RBFOX1: variants seen among roughly 807,000 people sequenced by gnomAD.
The protein encoded by RBFOX1 is RNA binding fox-1 homolog 1.
Under a neutral mutation model 57.7 loss-of-function variants are expected in RBFOX1, and 8 were observed. The ratio of observed to expected loss-of-function variants is 0.14; its 90% CI spans 0.08 to 0.25. The LOEUF (loss-of-function observed/expected upper bound fraction) is 0.25, where lower values mean the gene tolerates loss of function less well. Ranked by LOEUF, RBFOX1 falls within the 10% of genes least tolerant of loss-of-function variation. RBFOX1 has a pLI of 1.00. For synonymous variants in RBFOX1, 326 were observed against 222.4 expected (o/e 1.47, Z -4.15); for missense variants, 611 against 548.5 (o/e 1.11, Z -1.14).
At chr16:5,857,797 T>G (rs905035403) in intron 3 of RBFOX1, among the ~76,000 whole-genome samples, 3 of 151,684 alleles carry the variant, frequency 2.0e-5, no homozygotes, top group African/African-American at 7.3e-5. Context: ...TGCACAAAAC[T>G]TAGCCAGGCA....
intron 4 of RBFOX1, among the ~76,000 whole-genome samples, chr16:7,180,269 C>A (rs977113729): frequency 2.0e-5 from 3 of 151,972 alleles, no homozygotes; most frequent in Admixed American, 1.3e-4. Flanking sequence ...CTCTTTATGT[C>A]CTTATGTAAT....
intron 4 of RBFOX1, among the ~76,000 whole-genome samples, chr16:7,514,769 T>C (rs2075984224): frequency 6.6e-6 from 1 of 152,178 alleles, no homozygotes. Flanking sequence ...GGCATGACCC[T>C]TCTCTCTTCA....
chr16:6,749,815 G>A (rs1186562177), intron 3 of RBFOX1, among the ~76,000 whole-genome samples: 1 of 152,180 alleles, frequency 6.6e-6, no homozygotes, highest in East Asian at 1.9e-4. Flanking sequence ...GATGTAAAAT[G>A]TTTTTATTTC....
intron 3 of RBFOX1, among the ~76,000 whole-genome samples, chr16:6,802,767 T>A (rs2085794767): frequency 6.6e-6 from 1 of 152,222 alleles, no homozygotes; most frequent in Non-Finnish European, 1.5e-5. Flanking sequence ...GTTGTAAGAA[T>A]CTGATTGTTA....
At chr16:6,563,839 T>A (rs138788780) in intron 2 of RBFOX1, among the ~76,000 whole-genome samples, 11 of 151,644 alleles carry the variant, frequency 7.3e-5, no homozygotes, top group Admixed American at 6.6e-4. Flanking sequence ...AAAAAAAATA[T>A]ATATATATGT....
intron 2 of RBFOX1, among the ~76,000 whole-genome samples, chr16:6,513,138 A>G (rs1423915767): frequency 1.3e-5 from 2 of 152,194 alleles, no homozygotes; most frequent in Admixed American, 1.3e-4. Flanking sequence ...CTTAAGTGAA[A>G]TCTTAGGTAG....
Position 6,792,154 on chromosome 16 carries a change from C to G in RBFOX1, c.-16+137504C>G, listed in dbSNP as rs115198568. Among the ~76,000 whole-genome samples, 1,179 of 152,078 alleles carry G rather than the reference C, an allele frequency of 7.8e-3. 24 individuals are homozygous for G. The highest frequency in any genetic ancestry group is 0.027 in the African/African-American group (1,128 of 41,470). On this transcript the variant is annotated intron_variant, in intron 3 of 15. Transcript: ENST00000550418. Reference sequence around the variant, plus strand: ...AAAAAATTGAAACACATAAACTATGCTTTTTCTGTATATTTTTTCTTAGCA... The same window carrying G: ...AAAAAATTGAAACACATAAACTATGGTTTTTCTGTATATTTTTTCTTAGCA...
intron 2 of RBFOX1, among the ~76,000 whole-genome samples, chr16:5,550,462 C>T (rs1248446683): frequency 6.6e-6 from 1 of 152,092 alleles, no homozygotes; most frequent in Non-Finnish European, 1.5e-5. Context: ...TGAGGCTGCC[C>T]AGGGGGGCAG....
chr16:6,193,362 A>ATATACATATACACATTATATATATATAC (rs2097154672), intron 1 of RBFOX1, among the ~76,000 whole-genome samples: 1 of 101,352 alleles, frequency 9.9e-6, no homozygotes, highest in Non-Finnish European at 2.0e-5. Context: ...TACATTATAT[A>ATATACATATACACATTATATATATATAC]TATATATATA....
At chr16:5,240,361 C>A (rs2062133778) in intron 1 of RBFOX1, among the ~76,000 whole-genome samples, 1 of 151,976 alleles carries the variant, frequency 6.6e-6, no homozygotes, top group Non-Finnish European at 1.5e-5. Flanking sequence ...CTGCGGCTAG[C>A]CAAAAGGGGA....
chr16:7,461,314 T>A (rs1012165612), intron 4 of RBFOX1, among the ~76,000 whole-genome samples: 2 of 151,948 alleles, frequency 1.3e-5, no homozygotes, highest in African/African-American at 4.8e-5. Flanking sequence ...ATTACAGATA[T>A]GTGCCACCAC....
rs146499343 is a variant in RBFOX1, at chr16:7,518,244, C to A, written c.125C>A (p.Thr42Lys). 2 of 1,614,100 alleles carry A rather than the reference C, an allele frequency of 1.2e-6. No individual in the cohort carries two copies. Among genetic ancestry groups the A allele is most frequent in the Non-Finnish European group, 1.7e-6 (2 of 1,179,996 alleles). ...PPQNGIPAEY[T>K]APHPHPAPEY... is the part of the protein sequence containing the mutation. ...CAGAACGGTATCCCCGCGGAATACA[C>A]GGCCCCTCATCCCCACCCCGCGCCA... The change falls in exon 5 of 16, where the codon ACG becomes AAG. Residue 42 changes from threonine to lysine, a missense_variant. Transcript: ENST00000550418.
intron 11 of RBFOX1, among the ~76,000 whole-genome samples, chr16:7,633,186 G>A (rs778858636): frequency 3.3e-5 from 5 of 152,182 alleles, no homozygotes; most frequent in South Asian, 2.1e-4. Context: ...AAAGCCTAAC[G>A]TTTTAACAGT....
chr16:6,013,576 C>G (rs896569036), intron 4 of RBFOX1, among the ~76,000 whole-genome samples: 3 of 152,176 alleles, frequency 2.0e-5, no homozygotes, highest in Non-Finnish European at 2.9e-5. Flanking sequence ...GAACCTGGCT[C>G]TGACACAAAA....
chr16:6,957,820 C>A (rs574249320), intron 3 of RBFOX1, among the ~76,000 whole-genome samples: 21 of 152,280 alleles, frequency 1.4e-4, no homozygotes, highest in African/African-American at 5.1e-4. Context: ...TCTTTTCACA[C>A]AGCCTCTTTG....
At chr16:5,903,089 GGTGTGTGTGGGTGT>G (rs905980061) in intron 4 of RBFOX1, among the ~76,000 whole-genome samples, 83 of 152,008 alleles carry the variant, frequency 5.5e-4, no homozygotes, top group African/African-American at 1.7e-3. Context: ...GTATTAGATG[GGTGTGTGTGGGTGT>G]GTGTGTGTGG....
At chr16:6,745,382 A>G (rs1467392341) in intron 3 of RBFOX1, among the ~76,000 whole-genome samples, 1 of 152,178 alleles carries the variant, frequency 6.6e-6, no homozygotes, top group Non-Finnish European at 1.5e-5. Flanking sequence ...CTTCCTCATG[A>G]ATACCTATGT....
chr16:6,946,186 C>T (rs1258480131), intron 3 of RBFOX1, among the ~76,000 whole-genome samples: 2 of 152,186 alleles, frequency 1.3e-5, no homozygotes, highest in African/African-American at 2.4e-5. Flanking sequence ...CAGTAAAGGA[C>T]CAGATACAGA....
chr16:7,547,091 A>G (rs2084771061), intron 5 of RBFOX1, among the ~76,000 whole-genome samples: 1 of 152,138 alleles, frequency 6.6e-6, no homozygotes, highest in Non-Finnish European at 1.5e-5. Flanking sequence ...AGAGTGATTT[A>G]AAATGCCTGA....
Sources: gnomAD v4.1 joint callset for allele counts (sites outside exome capture counted in the v4.1 genomes callset) on GRCh38, gnomAD v4.1.1 for gene constraint, MANE v1.5 for transcripts, NCBI Gene and HGNC (gene_info 2026-07-23, HGNC 2026-07-21) for gene names.